AMN1: variants seen among roughly 807,000 people sequenced by gnomAD.
AMN1 encodes protein AMN1 homolog.
A neutral mutation model predicts 33.0 loss-of-function variants in AMN1; 20 were observed. That is an observed-to-expected ratio of 0.61 (90% CI 0.43 to 0.88). AMN1 has a LOEUF of 0.88. AMN1 is among the 40% of genes least tolerant of loss of function. The probability of loss-of-function intolerance (pLI) is 0.00; values close to 1 mark genes in which losing one functional copy is unlikely to be tolerated. For synonymous variants in AMN1, 114 were observed against 111.9 expected (o/e 1.02, Z -0.12); for missense variants, 246 against 307.4 (o/e 0.80, Z 1.49).
Position 31,672,386 on chromosome 12 carries a change from G to T in AMN1, c.704-9C>A. The T allele has an allele frequency of 6.5e-7, 1 of 1,547,600 alleles. No individual in the cohort carries two copies. The highest frequency in any genetic ancestry group is 8.8e-7 in the Non-Finnish European group (1 of 1,138,750). ...CACTTCTCGGGAATGATCTATAAAA[G>T]AAAACAATGACAATATATTAATTGA... is the stretch of plus-strand genomic sequence containing the variant. On this transcript the variant is annotated splice_polypyrimidine_tract_variant and intron_variant, in intron 6 of 6. Transcript: ENST00000281471.
intron 6 of AMN1, among the ~76,000 whole-genome samples, chr12:31,677,615 G>C (rs925847270): frequency 6.6e-6 from 1 of 152,116 alleles, no homozygotes; most frequent in Non-Finnish European, 1.5e-5. Flanking sequence ...CTCAGAAAAG[G>C]ATTCCCCAAA....
intron 6 of AMN1, among the ~76,000 whole-genome samples, chr12:31,682,063 AG>A (rs1043149690): frequency 1.3e-5 from 2 of 152,234 alleles, no homozygotes; most frequent in Non-Finnish European, 2.9e-5. Flanking sequence ...GGAGTTGGCT[AG>A]GGTAATCAAA....
rs982100503 is a variant in AMN1 at position 31,671,324 on chromosome 12, A to G, written c.*980T>C. ...TTGTAAGGACAAGAAATGGAGTTGA[A>G]TAAGTACCCCCCAACATATACAAGA... On this transcript the variant is annotated 3_prime_UTR_variant, in exon 7 of 7. Coordinates refer to ENST00000281471, the MANE Select transcript of AMN1 (RefSeq NM_001113402.2). The G allele has an allele frequency of 6.6e-6, 1 of 152,234 alleles. No homozygotes were observed. Among genetic ancestry groups the G allele is most frequent in the African/African-American group, 2.4e-5 (1 of 41,462 alleles). The allele number at this position is 152,234 out of a possible 1,614,324, so 9.4% of individuals were successfully genotyped here. A position where few individuals can be genotyped will look rare whatever the true frequency, so the allele number is the denominator to read the frequency against.
At chr12:31,727,184 T>C (rs75313567) in intron 1 of AMN1, among the ~76,000 whole-genome samples, 48 of 152,272 alleles carry the variant, frequency 3.2e-4, no homozygotes, top group African/African-American at 1.2e-3. Flanking sequence ...AGCTGCATAA[T>C]ATTCCATGGT....
At chr12:31,689,622 G>T (rs1358742796) in intron 5 of AMN1, among the ~76,000 whole-genome samples, 1 of 152,100 alleles carries the variant, frequency 6.6e-6, no homozygotes, top group African/African-American at 2.4e-5. Context: ...TTTGCTATAT[G>T]ACCCAGCAAT....
chr12:31,689,216 A>C (rs571771599), intron 5 of AMN1, 98 bp from the exon 6 acceptor site: 1 of 812,048 alleles, frequency 1.2e-6, no homozygotes, highest in African/African-American at 1.7e-5. Flanking sequence ...AAAGAACCAG[A>C]TATCTACTTG....
At chr12:31,682,660 T>G (rs1938074968) in intron 6 of AMN1, among the ~76,000 whole-genome samples, 1 of 152,154 alleles carries the variant, frequency 6.6e-6, no homozygotes, top group African/African-American at 2.4e-5. Context: ...GATAGATGGC[T>G]AATAATTTGG....
chr12:31,701,737 G>A, intron 3 of AMN1, 126 bp downstream of exon 3: 1 of 823,420 alleles, frequency 1.2e-6, no homozygotes, highest in South Asian at 2.3e-5. Context: ...TGTTTTTACT[G>A]ATAAATATAA....
intron 1 of AMN1, among the ~76,000 whole-genome samples, chr12:31,720,333 G>C (rs1449950422): frequency 6.6e-6 from 1 of 152,168 alleles, no homozygotes; most frequent in Non-Finnish European, 1.5e-5. Flanking sequence ...CTGAGGTCAG[G>C]AGTTCGAGAC....
At chr12:31,706,185 G>A (rs1200870768) in intron 2 of AMN1, among the ~76,000 whole-genome samples, 16 of 151,654 alleles carry the variant, frequency 1.1e-4, no homozygotes, top group African/African-American at 2.2e-4. Context: ...GGTGGCGGGC[G>A]CCTGTAGTCC....
At position 31,672,089 on chromosome 12, in the gene AMN1, C is replaced by T. The variant is rs140375565; in HGVS notation, c.*215G>A. On this transcript the variant is annotated 3_prime_UTR_variant, in exon 7 of 7. Transcript: ENST00000281471. ...ATTTCAAAAATAATGACTCATCCAA[C>T]AGATATAGAATAATAGCACTTTAAA... is the stretch of plus-strand genomic sequence containing the variant. The T allele has an allele frequency of 5.9e-3, 2,620 of 442,756 alleles. 128 individuals are homozygous for T. In the Admixed American group the frequency reaches 0.087, roughly 15 times the overall value. 27.4% of individuals were successfully genotyped at this position (442,756 alleles called of 1,614,324 possible).
At chr12:31,702,533 A>G (rs1013715792) in intron 2 of AMN1, among the ~76,000 whole-genome samples, 4 of 151,916 alleles carry the variant, frequency 2.6e-5, no homozygotes, top group Admixed American at 2.0e-4. Flanking sequence ...ATTCCTAAGC[A>G]TTCTGAGCTC....
chr12:31,679,740 C>T (rs541808168), intron 6 of AMN1, among the ~76,000 whole-genome samples: 6 of 152,214 alleles, frequency 3.9e-5, no homozygotes, highest in East Asian at 3.9e-4. Context: ...CTATGAGAAA[C>T]GGCAATGCAT....
At chr12:31,694,140 T>TAA (rs372135890) in intron 5 of AMN1, among the ~76,000 whole-genome samples, 1,905 of 142,536 alleles carry the variant, frequency 0.013, 19 homozygotes, top group South Asian at 0.03. Flanking sequence ...GAGTAGTTAG[T>TAA]AAAAAAAAAA....
At chr12:31,674,916 G>A (rs1951354999) in intron 6 of AMN1, among the ~76,000 whole-genome samples, 1 of 151,834 alleles carries the variant, frequency 6.6e-6, no homozygotes, top group Non-Finnish European at 1.5e-5. Flanking sequence ...CAGCTACTCA[G>A]GAGACCGAGG....
rs185211335 is a variant in AMN1, at chr12:31,712,409, G to A, written c.39-2984C>T. Among the ~76,000 whole-genome samples, 15 of 151,340 alleles carry A rather than the reference G, an allele frequency of 9.9e-5. 1 individual carries two copies. The East Asian group carries it at 1.2e-3, about 12-fold the overall frequency. On this transcript the variant is annotated intron_variant, in intron 1 of 6. Coordinates refer to ENST00000281471, the MANE Select transcript of AMN1 (RefSeq NM_001113402.2). ...ATTACAGGCACATGCCACCACGCCC[G>A]GCTAATTTTTGTATTCTTAGTAGAG...
chr12:31,707,845 C>T (rs1323607999), intron 2 of AMN1, among the ~76,000 whole-genome samples: 5 of 152,162 alleles, frequency 3.3e-5, no homozygotes, highest in Non-Finnish European at 4.4e-5. Context: ...ATGGAGGGAC[C>T]AGCTGGAGCC....
At chr12:31,694,442 CAAAAA>C (rs71062451) in intron 5 of AMN1, among the ~76,000 whole-genome samples, 3 of 116,772 alleles carry the variant, frequency 2.6e-5, no homozygotes, top group East Asian at 4.7e-4. Context: ...AACTCTGTCT[CAAAAA>C]AAAAAAAAAA....
At position 31,687,022 on chromosome 12, in the gene AMN1, T is replaced by C. The variant is rs1938294755; in HGVS notation, c.703+1985A>G. On this transcript the variant is annotated intron_variant, in intron 6 of 6. Coordinates refer to ENST00000281471, the MANE Select transcript of AMN1 (RefSeq NM_001113402.2). This position sits in a 1 kb window ranked among gnomAD's most constrained non-coding sequence, Gnocchi z 4.1. ...TTTCTTTTTTTCTTTTTTCTTTTTC[T>C]TTTTTTGACACAGGGTCTCACTCTG... Among the ~76,000 whole-genome samples the C allele has an allele frequency of 6.6e-6, 1 of 152,122 alleles. No homozygotes were observed. Among genetic ancestry groups the C allele is most frequent in the Non-Finnish European group, 1.5e-5 (1 of 68,004 alleles).
Sources: gnomAD v4.1 joint callset for allele counts (sites outside exome capture counted in the v4.1 genomes callset) on GRCh38, gnomAD v4.1.1 for gene constraint, Gnocchi (gnomAD v3.1) non-coding constraint, MANE v1.5 for transcripts, NCBI Gene and HGNC (gene_info 2026-07-23, HGNC 2026-07-21) for gene names.